Variants in APAF1 observed in about 807,000 individuals in gnomAD.
APAF1 encodes the protein apoptotic protease-activating factor 1.
A neutral mutation model predicts 152.4 loss-of-function variants in APAF1; 91 were observed. That is an observed-to-expected ratio of 0.60 (90% confidence interval 0.50 to 0.71). The LOEUF is 0.71. Among genes scored for constraint, APAF1 ranks in the 30% least tolerant of loss-of-function variants. The pLI is 0.00. For synonymous variants in APAF1, 484 were observed against 494.1 expected, an observed-to-expected ratio of 0.98 and a Z score of 0.27; for missense variants, 1,283 against 1,472.0, an observed-to-expected ratio of 0.87 and a Z score of 2.10.
intron 25 of APAF1, 132 bp downstream of exon 25, chr12:98,725,672 G>T (rs2097749426): frequency 8.0e-7 from 1 of 1,252,850 alleles, no homozygotes; most frequent in Admixed American, 1.7e-5. Flanking sequence ...CATTCTTTTT[G>T]TTTCTTGTGC....
intron 18 of APAF1, among the ~76,000 whole-genome samples, chr12:98,704,156 G>A (rs919707722): frequency 6.6e-6 from 1 of 151,824 alleles, no homozygotes; most frequent in African/African-American, 2.4e-5. Flanking sequence ...TAGAAATGGG[G>A]GTCTCACTGT....
At chr12:98,661,954 A>G (rs2153314675) in intron 5 of APAF1, among the ~76,000 whole-genome samples, 1 of 152,282 alleles carries the variant, frequency 6.6e-6, no homozygotes, top group East Asian at 1.9e-4. Flanking sequence ...AAAAAAAACC[A>G]CTTGTATACC....
At chr12:98,714,181 A>G (rs1272450836) in intron 21 of APAF1, among the ~76,000 whole-genome samples, 1 of 152,178 alleles carries the variant, frequency 6.6e-6, no homozygotes, top group Non-Finnish European at 1.5e-5. Context: ...TCAGTACCAC[A>G]TTCTTTTCAT....
chr12:98,731,159 G>A (rs889777168), intron 26 of APAF1, among the ~76,000 whole-genome samples: 2 of 152,152 alleles, frequency 1.3e-5, no homozygotes, highest in Admixed American at 6.5e-5. Flanking sequence ...TCTGTGCCTT[G>A]ATTTTCTTAT....
chr12:98,658,903 A>C (rs2097661163), intron 4 of APAF1, among the ~76,000 whole-genome samples: 1 of 152,226 alleles, frequency 6.6e-6, no homozygotes, highest in South Asian at 2.1e-4. Context: ...AAAGATCATA[A>C]AACTTTACTT....
At chr12:98,717,766 C>A (rs1034817393) in intron 22 of APAF1, among the ~76,000 whole-genome samples, 6 of 151,740 alleles carry the variant, frequency 4.0e-5, no homozygotes, top group African/African-American at 1.5e-4. Context: ...TTGTTTTGAC[C>A]TCCTATTTTG....
At chr12:98,722,792 G>T (rs567054935) in intron 22 of APAF1, among the ~76,000 whole-genome samples, 12 of 152,268 alleles carry the variant, frequency 7.9e-5, no homozygotes, top group African/African-American at 2.9e-4. Flanking sequence ...CTTCAGTGGG[G>T]CCAGGATCTG....
intron 5 of APAF1, among the ~76,000 whole-genome samples, chr12:98,660,795 T>C (rs561639295): frequency 6.6e-6 from 1 of 152,190 alleles, no homozygotes; most frequent in Non-Finnish European, 1.5e-5. Flanking sequence ...TTTTTAAAAA[T>C]GCCCTAATGC....
chr12:98,680,271 G>T lies in APAF1; in HGVS notation c.1921-6G>T. 3 of 1,589,402 alleles carry T rather than the reference G, an allele frequency of 1.9e-6. No individual in the cohort carries two copies. Among genetic ancestry groups the T allele is most frequent in the Non-Finnish European group, 2.6e-6 (3 of 1,166,010 alleles). On this transcript the variant is annotated splice_region_variant and splice_polypyrimidine_tract_variant and intron_variant, in intron 13 of 26. Coordinates refer to ENST00000551964, the MANE Select transcript of APAF1 (RefSeq NM_181861.2). ...TATAAAAAATATTTTATTGTTACTT[G>T]TGCAGGTGTTCAAAGCTGAAACAGG...
At chr12:98,666,450 T>A in intron 9 of APAF1, 93 bp downstream of exon 9, 1 of 1,254,912 alleles carries the variant, frequency 8.0e-7, no homozygotes, top group Non-Finnish European at 1.1e-6. Context: ...ATAGTTTCTG[T>A]GCATAAGTCC....
intron 4 of APAF1, among the ~76,000 whole-genome samples, chr12:98,655,308 C>G (rs993967804): frequency 2.0e-5 from 3 of 151,214 alleles, no homozygotes; most frequent in African/African-American, 7.3e-5. Flanking sequence ...ATAAAGCCGC[C>G]ATTGTCATCC....
Position 98,662,819 on chromosome 12 carries a change from ATTTG to A in APAF1, c.955+17_955+20del, listed in dbSNP as rs756411622. On this transcript the variant is annotated intron_variant, in intron 7 of 26. Transcript: ENST00000551964. ...AAAGAATGTAAAGGTATGGTTATTT[ATTTG>A]TTTATGAGGAGATTATAGGGAGTTA... 8.7e-6 allele frequency: 14 copies of A among 1,604,306 alleles called. No homozygotes were observed. The East Asian group carries it at 1.6e-4, about 18-fold the overall frequency.
rs1288592489 is a variant in APAF1, at chr12:98,671,585, CCTT to C, written c.1663_1665del (p.Leu555del). On this transcript the variant is annotated inframe_deletion, in exon 12 of 27. Coordinates refer to ENST00000551964, the MANE Select transcript of APAF1 (RefSeq NM_181861.2). ...AGGAGTTTTTATCTTTAAATGGACA[CCTT>C]CTTGGACGACAGCCATTTCCTAATA... 1 of 1,613,956 alleles carries C rather than the reference CCTT, an allele frequency of 6.2e-7. No individual in the cohort carries two copies. Among genetic ancestry groups the C allele is most frequent in the East Asian group, 2.2e-5 (1 of 44,864 alleles).
chr12:98,664,221 C>A (rs2097669330), intron 7 of APAF1, among the ~76,000 whole-genome samples: 1 of 151,234 alleles, frequency 6.6e-6, no homozygotes, highest in South Asian at 2.1e-4. Flanking sequence ...GTTTCATCAT[C>A]TTGGCCAGGG....
chr12:98,672,612 G>C (rs1222392263), intron 12 of APAF1, among the ~76,000 whole-genome samples: 1 of 151,804 alleles, frequency 6.6e-6, no homozygotes. Context: ...TGTAAGGAAA[G>C]GTATAATCTT....
intron 21 of APAF1, among the ~76,000 whole-genome samples, chr12:98,713,686 C>A (rs1268051811): frequency 6.6e-6 from 1 of 152,282 alleles, no homozygotes; most frequent in African/African-American, 2.4e-5. Context: ...TTTCAAAAAC[C>A]TTGGTTCCTT....
intron 22 of APAF1, among the ~76,000 whole-genome samples, chr12:98,722,422 T>C (rs1156415100): frequency 6.6e-6 from 1 of 152,234 alleles, no homozygotes; most frequent in Non-Finnish European, 1.5e-5. Flanking sequence ...AGGTACTAAA[T>C]AGACATTTAT....
At chr12:98,662,649 C>T in intron 6 of APAF1, 26 bp from the exon 7 acceptor site, 1 of 1,612,254 alleles carries the variant, frequency 6.2e-7, no homozygotes, top group Non-Finnish European at 8.5e-7. Context: ...AAATTACTTA[C>T]TTTGTCTTGT....
chr12:98,667,564 A>G lies in APAF1; in HGVS notation c.1414A>G (p.Thr472Ala), dbSNP rs979627151. Residue 472 changes from threonine to alanine, a missense_variant, in exon 10 of 27, where the codon ACT (threonine) becomes GCT (alanine). Coordinates refer to ENST00000551964, the MANE Select transcript of APAF1 (RefSeq NM_181861.2). Reference protein sequence around the residue: ...TQFQRYHQPHTLSPDQEDCMY... With the variant: ...TQFQRYHQPHALSPDQEDCMY... ...GTTTCAGAGATATCACCAGCCGCAT[A>G]CTCTTTCACCAGATCAGGAAGACTG... The G allele has an allele frequency of 6.2e-7, 1 of 1,613,868 alleles. No homozygotes were observed. The highest frequency in any genetic ancestry group is 8.5e-7 in the Non-Finnish European group (1 of 1,179,912).
Sources: allele counts gnomAD v4.1 joint callset (sites outside exome capture counted in the v4.1 genomes callset), GRCh38; gene constraint gnomAD v4.1.1; transcripts MANE v1.5; gene names NCBI Gene and HGNC (gene_info 2026-07-23, HGNC 2026-07-21).